ZFAT: variants seen among roughly 807,000 people sequenced by gnomAD.
The protein encoded by ZFAT is zinc finger protein ZFAT.
In ZFAT, 64 loss-of-function variants were observed where a neutral mutation model predicts 117.7. The ratio of observed to expected loss-of-function variants is 0.54; its 90% CI spans 0.44 to 0.67. The LOEUF is 0.67. Among genes scored for constraint, ZFAT ranks in the 30% least tolerant of loss-of-function variants. The pLI is 0.00. For missense variants in ZFAT, 1,433 were observed against 1,584.5 expected, an observed-to-expected ratio of 0.90 and a Z score of 1.62; for synonymous variants, 679 against 615.0, an observed-to-expected ratio of 1.10 and a Z score of -1.54.
intron 1 of ZFAT, among the ~76,000 whole-genome samples, chr8:134,693,200 C>T (rs535449902): frequency 4.1e-4 from 62 of 152,300 alleles, no homozygotes; most frequent in African/African-American, 1.5e-3. Context: ...GAAACCAGGT[C>T]TCCTTGTAGA....
chr8:134,672,403 G>C (rs1427803404), intron 1 of ZFAT, among the ~76,000 whole-genome samples: 2 of 152,194 alleles, frequency 1.3e-5, no homozygotes, highest in Admixed American at 6.5e-5. Flanking sequence ...ACCGGGGCCT[G>C]TTGTAGGGTG....
chr8:134,563,338 G>C (rs1456137080), intron 11 of ZFAT, among the ~76,000 whole-genome samples: 1 of 152,184 alleles, frequency 6.6e-6, no homozygotes, highest in Non-Finnish European at 1.5e-5. Flanking sequence ...CTGAGAACAT[G>C]TAGTGAGAAA....
the ZFAT span, among the ~76,000 whole-genome samples, chr8:134,747,923 T>C: frequency 6.6e-6 from 1 of 152,252 alleles, no homozygotes; most frequent in Non-Finnish European, 1.5e-5. Context: ...CCAGAATTAA[T>C]GAAATGTGGA....
chr8:134,546,458 G>C (rs1450515305), intron 11 of ZFAT, among the ~76,000 whole-genome samples: 18 of 152,330 alleles, frequency 1.2e-4, no homozygotes, highest in Admixed American at 9.1e-4. Context: ...ACCCTGAGAA[G>C]TGTGTAGCTG....
At chr8:134,654,602 G>T (rs547818020) in intron 2 of ZFAT, among the ~76,000 whole-genome samples, 2 of 152,220 alleles carry the variant, frequency 1.3e-5, no homozygotes, top group African/African-American at 4.8e-5. Flanking sequence ...TCTTATACTC[G>T]TCAGAAGGAT....
chr8:134,703,027 T>G (rs1179032034), intron 1 of ZFAT, among the ~76,000 whole-genome samples: 1 of 152,236 alleles, frequency 6.6e-6, no homozygotes, highest in Non-Finnish European at 1.5e-5. Context: ...CTCAGCAGCA[T>G]GAAAGCAGAC....
intron 11 of ZFAT, among the ~76,000 whole-genome samples, chr8:134,558,061 T>G (rs1447888415): frequency 6.6e-6 from 1 of 152,234 alleles, no homozygotes; most frequent in Non-Finnish European, 1.5e-5. Context: ...GCTCTAGGCT[T>G]ACTGAAAGCA....
intron 4 of ZFAT, among the ~76,000 whole-genome samples, chr8:134,609,438 T>C (rs1216004441): frequency 6.6e-6 from 1 of 152,154 alleles, no homozygotes; most frequent in Non-Finnish European, 1.5e-5. Flanking sequence ...ATAATACTAT[T>C]CTGAAGTGAG....
chr8:134,691,164 C>A (rs1037351718), intron 1 of ZFAT, among the ~76,000 whole-genome samples: 5 of 152,164 alleles, frequency 3.3e-5, no homozygotes, highest in African/African-American at 1.2e-4. Context: ...TCACTGGGAG[C>A]CACAGAAAGG....
chr8:134,775,192 T>C, the ZFAT span, among the ~76,000 whole-genome samples: 3 of 152,152 alleles, frequency 2.0e-5, no homozygotes, highest in African/African-American at 7.2e-5. Context: ...TGTTTGATAA[T>C]ACCAATATAT....
chr8:134,767,741 C>T, the ZFAT span, among the ~76,000 whole-genome samples: 1 of 152,122 alleles, frequency 6.6e-6, no homozygotes, highest in South Asian at 2.1e-4. Flanking sequence ...TAAAGGTAAG[C>T]ACTCTCTATT....
intron 11 of ZFAT, among the ~76,000 whole-genome samples, chr8:134,546,756 A>G (rs1005930258): frequency 2.0e-5 from 3 of 152,344 alleles, no homozygotes; most frequent in Admixed American, 1.3e-4. Context: ...ATCTAGCTCT[A>G]CTGTCTAACA....
At chr8:134,787,823 G>T in the ZFAT span, among the ~76,000 whole-genome samples, 2 of 151,862 alleles carry the variant, frequency 1.3e-5, no homozygotes, top group African/African-American at 4.8e-5. Context: ...ATGCTTAAAT[G>T]ATTGGAAAAT....
At chr8:134,759,381 C>T in the ZFAT span, among the ~76,000 whole-genome samples, 38 of 152,280 alleles carry the variant, frequency 2.5e-4, no homozygotes, top group African/African-American at 7.9e-4. Flanking sequence ...AGGCAGCTAC[C>T]TTGATGTAAA....
At chr8:134,618,697 C>T (rs1271285145) in intron 3 of ZFAT, among the ~76,000 whole-genome samples, 2 of 152,158 alleles carry the variant, frequency 1.3e-5, no homozygotes, top group Non-Finnish European at 2.9e-5. Context: ...TTCCTATTTT[C>T]AAATTTTCTT....
upstream of ZFAT, among the ~76,000 whole-genome samples, chr8:134,717,363 G>A (rs1814222474): frequency 1.4e-5 from 2 of 146,922 alleles, no homozygotes; most frequent in Non-Finnish European, 3.0e-5. Context: ...CACCTGGGAA[G>A]GAGATCATCT....
At chr8:134,496,456 C>T (rs960149792) in intron 15 of ZFAT, among the ~76,000 whole-genome samples, 19 of 152,224 alleles carry the variant, frequency 1.2e-4, no homozygotes, top group African/African-American at 4.6e-4. Context: ...GGCAGGGGAG[C>T]TCTGTCCCAG....
rs13270155 is a variant in ZFAT, at chr8:134,638,548, A to C, written c.197-836T>G. On this transcript the variant is annotated intron_variant, in intron 2 of 15. Transcript: ENST00000377838. ...GTGAAACTCTGTCTCTACTAAAAAT[A>C]CAAAAAAAAAACAAAACAAAAAAAA... Among the ~76,000 whole-genome samples the C allele has an allele frequency of 5.8e-5, 3 of 52,090 alleles. No individual in the cohort carries two copies. In the East Asian group the frequency reaches 3.5e-3, roughly 60 times the overall value. 34.2% of individuals were successfully genotyped at this position (52,090 alleles called of 152,430 possible).
the ZFAT span, among the ~76,000 whole-genome samples, chr8:134,810,524 C>T: frequency 1.3e-5 from 2 of 152,178 alleles, no homozygotes; most frequent in African/African-American, 4.8e-5. Flanking sequence ...GACTCTCCTA[C>T]CAATTTATCC....
Sources: gnomAD v4.1 joint callset for allele counts (sites outside exome capture counted in the v4.1 genomes callset) on GRCh38, gnomAD v4.1.1 for gene constraint, MANE v1.5 for transcripts, NCBI Gene and HGNC (gene_info 2026-07-23, HGNC 2026-07-21) for gene names.